The following GARRE1 variants were observed in gnomAD, a reference collection of about 807,000 sequenced individuals.
GARRE1 encodes granule associated Rac and RHOG effector protein 1.
In GARRE1, 49 loss-of-function variants were observed where a neutral mutation model predicts 103.2. That is an observed-to-expected ratio of 0.47 (90% CI 0.38 to 0.60). GARRE1 has a LOEUF of 0.60. Among genes scored for constraint, GARRE1 ranks in the 20% least tolerant of loss-of-function variants. GARRE1 has a pLI of 0.00. For synonymous variants in GARRE1, 505 were observed against 532.8 expected (o/e 0.95, Z 0.72); for missense variants, 1,199 against 1,370.5 (o/e 0.87, Z 1.98).
intron 1 of GARRE1, among the ~76,000 whole-genome samples, chr19:34,294,418 A>G (rs2073935561): frequency 6.6e-6 from 1 of 151,734 alleles, no homozygotes; most frequent in Non-Finnish European, 1.5e-5. Flanking sequence ...GAGAGACCCC[A>G]TCTCTAAAAG....
rs779052204 is a variant in GARRE1, at chr19:34,342,150, A to G, written c.2216A>G (p.Gln739Arg). ...PQVQYYQHLL[Q>R]PIGPQQPPPQ... Reference sequence around the variant, plus strand: ...GTCCAATACTACCAACACCTACTCCAGCCCATTGGACCGCAGCAGCCCCCG... The same window carrying G: ...GTCCAATACTACCAACACCTACTCCGGCCCATTGGACCGCAGCAGCCCCCG... The change falls in exon 10 of 14, where the codon CAG (glutamine) becomes CGG (arginine). Residue 739 changes from glutamine (Q) to arginine (R), a missense_variant. Gln to Arg is a conservative substitution (Grantham distance 43). Coordinates refer to ENST00000299505, the MANE Select transcript of GARRE1 (RefSeq NM_014686.5). 1.2e-6 allele frequency: 2 copies of G among 1,614,022 alleles called. No individual in the cohort carries two copies. Among genetic ancestry groups the G allele is most frequent in the African/African-American group, 2.7e-5 (2 of 74,904 alleles).
At position 34,327,982 on chromosome 19, in the gene GARRE1, T is replaced by C; in HGVS notation, c.943-8T>C. The C allele has an allele frequency of 1.2e-6, 2 of 1,614,056 alleles. No individual in the cohort carries two copies. The highest frequency in any genetic ancestry group is 1.7e-6 in the Non-Finnish European group (2 of 1,179,994). ...TCACCTCTCCTCTTCCATCCATGCC[T>C]TTTCCAGGGCTGCTGCAGCGAGGCG... On this transcript the variant is annotated splice_polypyrimidine_tract_variant and splice_region_variant and intron_variant, in intron 5 of 13. Coordinates refer to ENST00000299505, the MANE Select transcript of GARRE1 (RefSeq NM_014686.5).
At chr19:34,270,296 A>AT (rs2073778982) in intron 1 of GARRE1, among the ~76,000 whole-genome samples, 1 of 152,290 alleles carries the variant, frequency 6.6e-6, no homozygotes, top group Admixed American at 6.5e-5. Context: ...TAGGAACATG[A>AT]TTTTGTGATT....
chr19:34,351,447 G>A (rs2145289018), intron 12 of GARRE1, 67 bp from the exon 13 acceptor site: 2 of 1,223,196 alleles, frequency 1.6e-6, no homozygotes, highest in Admixed American at 1.7e-5. Context: ...TAGCACTAGT[G>A]TGTACCCTAC....
Position 34,351,566 on chromosome 19 carries a change from C to G in GARRE1, c.2878C>G (p.Leu960Val). ...DTSTLPSPPL[L>V]TTVEDVNQDN... ...CAGCACGCTGCCCTCACCACCTCTC[C>G]TCACCACGGTGGAGGATGTGAACCA... is the stretch of plus-strand genomic sequence containing the variant. Residue 960 changes from leucine to valine, a missense_variant, in exon 13 of 14, where the codon CTC (leucine) becomes GTC (valine). Leu to Val is a conservative substitution (Grantham distance 32). Transcript: ENST00000299505. The G allele has an allele frequency of 1.1e-5, 17 of 1,613,890 alleles. No homozygotes were observed. The highest frequency in any genetic ancestry group is 1.4e-5 in the Non-Finnish European group (17 of 1,179,798).
chr19:34,320,231 T>A (rs892540970), intron 3 of GARRE1, 115 bp downstream of exon 3: 1 of 867,558 alleles, frequency 1.2e-6, no homozygotes, highest in Non-Finnish European at 1.8e-6. Flanking sequence ...CATTTTAAAC[T>A]GTTATCATTG....
chr19:34,284,415 A>G (rs1188989794), intron 1 of GARRE1, among the ~76,000 whole-genome samples: 1 of 152,098 alleles, frequency 6.6e-6, no homozygotes, highest in Non-Finnish European at 1.5e-5. Context: ...ATGAGCCACC[A>G]TGTCTGGCCT....
intron 1 of GARRE1, among the ~76,000 whole-genome samples, chr19:34,286,393 G>A (rs1367707165): frequency 6.6e-6 from 1 of 151,862 alleles, no homozygotes; most frequent in Admixed American, 6.6e-5. Context: ...CTAATTTTTT[G>A]TATTTTTAGT....
intron 13 of GARRE1, among the ~76,000 whole-genome samples, chr19:34,352,205 T>C (rs193258810): frequency 1.6e-4 from 24 of 152,056 alleles, no homozygotes; most frequent in East Asian, 7.8e-4. Context: ...AGATCGAGAC[T>C]ATCCTGGCTA....
intron 7 of GARRE1, 26 bp downstream of exon 7, chr19:34,330,373 T>C (rs1366148002): frequency 1.2e-6 from 2 of 1,610,978 alleles, no homozygotes; most frequent in East Asian, 2.2e-5. Context: ...TGGTGGATGA[T>C]AGGTAGAATA....
At chr19:34,254,726 G>C (rs112027969) in intron 1 of GARRE1, 112 bp downstream of exon 1, 1 of 147,636 alleles carries the variant, frequency 6.8e-6, no homozygotes, top group African/African-American at 2.4e-5. Flanking sequence ...AGACGGGCCC[G>C]CGGGGCGCCG....
chr19:34,342,670 T>C (rs902399343), intron 10 of GARRE1, among the ~76,000 whole-genome samples: 3 of 152,156 alleles, frequency 2.0e-5, no homozygotes, highest in African/African-American at 7.2e-5. Flanking sequence ...GGACTATTTT[T>C]CTTACTTTAT....
rs763298131 is a variant in GARRE1 at position 34,341,716 on chromosome 19, T to C, written c.1782T>C (p.Ile594=). The C allele has an allele frequency of 8.7e-6, 14 of 1,614,086 alleles. No homozygotes were observed. Among genetic ancestry groups the C allele is most frequent in the African/African-American group, 1.3e-5 (1 of 74,916 alleles). ...IDTRLQSILN[I]GNFPRTTDPS... Reference sequence around the variant, plus strand: ...CAAGGTTACAAAGCATTTTGAACATTGGTAATTTCCCCAGGACTACAGACC... The same window carrying C: ...CAAGGTTACAAAGCATTTTGAACATCGGTAATTTCCCCAGGACTACAGACC... The change falls in exon 10 of 14, where the codon ATT becomes ATC. Residue 594 remains isoleucine (I), a synonymous_variant. Transcript: ENST00000299505.
At chr19:34,307,257 A>C (rs2074011237) in intron 2 of GARRE1, among the ~76,000 whole-genome samples, 1 of 152,064 alleles carries the variant, frequency 6.6e-6, no homozygotes, top group South Asian at 2.1e-4. Context: ...GGGCCCTGCC[A>C]TTCTTTTGTA....
Position 34,354,128 on chromosome 19 carries a change from CTT to C in GARRE1, c.*1174_*1175del, listed in dbSNP as rs962464433. The C allele has an allele frequency of 2.6e-5, 4 of 152,372 alleles. No individual in the cohort carries two copies. Among genetic ancestry groups the C allele is most frequent in the South Asian group, 2.1e-4 (1 of 4,824 alleles). The allele number at this position is 152,372 out of a possible 1,614,324, so 9.4% of individuals were successfully genotyped here. ...GTTACAGAAAGTTCTTTATATAAAA[CTT>C]ATTTAAATTTTTCATATTTCATCTT... On this transcript the variant is annotated 3_prime_UTR_variant, in exon 14 of 14. Transcript: ENST00000299505.
Position 34,258,956 on chromosome 19 carries a change from T to G in GARRE1, c.-796+4342T>G, listed in dbSNP as rs536784660. Among the ~76,000 whole-genome samples the G allele has an allele frequency of 4.3e-4, 66 of 152,242 alleles. No individual in the cohort carries two copies. The Middle Eastern group carries it at 0.01, about 24-fold the overall frequency. On this transcript the variant is annotated intron_variant, in intron 1 of 13. Transcript: ENST00000299505. ...GGCTCATGCCTGTGATCCCAGAAGT[T>G]TGGGAGGCCAAGGTGGGAGGATTGC...
Position 34,342,272 on chromosome 19 carries a change from G to A in GARRE1, c.2338G>A (p.Gly780Ser), listed in dbSNP as rs1317745759. Residue 780 changes from glycine to serine, a missense_variant, in exon 10 of 14, where the codon GGC becomes AGC. Gly to Ser is a moderately conservative substitution (Grantham distance 56). Transcript: ENST00000299505. ...AGLSPLGQWPGISDLSSDLYS... is the reference protein window; with the variant it reads ...AGLSPLGQWPSISDLSSDLYS... ...TCTGTCTCCTCTTGGTCAGTGGCCT[G>A]GCATATCTGATCTCAGTTCTGACTT... The A allele has an allele frequency of 6.2e-7, 1 of 1,614,190 alleles. No homozygotes were observed. Among genetic ancestry groups the A allele is most frequent in the African/African-American group, 1.3e-5 (1 of 75,042 alleles).
intron 3 of GARRE1, among the ~76,000 whole-genome samples, chr19:34,323,320 G>A (rs1783445976): frequency 1.3e-5 from 2 of 151,966 alleles, no homozygotes; most frequent in South Asian, 2.1e-4. Context: ...CGTGAGCCAC[G>A]GCGCCCGGCC....
At chr19:34,296,245 C>T (rs756987580) in intron 1 of GARRE1, 11 of 637,882 alleles carry the variant, frequency 1.7e-5, no homozygotes, top group Non-Finnish European at 3.1e-5. Flanking sequence ...CGCAGCAGTC[C>T]TTCTGTTCTC....
Sources: gnomAD v4.1 joint callset for allele counts (sites outside exome capture counted in the v4.1 genomes callset) on GRCh38, gnomAD v4.1.1 for gene constraint, MANE v1.5 for transcripts, NCBI Gene and HGNC (gene_info 2026-07-23, HGNC 2026-07-21) for gene names.